CYP2C19: variants seen among roughly 807,000 people sequenced by gnomAD.
CYP2C19 encodes cytochrome P450 2C19.
In CYP2C19, 59 loss-of-function variants were observed where a neutral mutation model predicts 40.9. The observed-to-expected ratio is 1.44, with a 90% confidence interval of 1.17 to 1.79. CYP2C19 has a LOEUF of 1.79. Ranked by LOEUF, CYP2C19 falls within the 40% of genes most tolerant of loss-of-function variation. CYP2C19 has a pLI of 0.00. For synonymous variants in CYP2C19, 253 were observed against 208.7 expected, an observed-to-expected ratio of 1.21 and a Z score of -1.83; for missense variants, 754 against 596.9, an observed-to-expected ratio of 1.26 and a Z score of -2.74.
Position 94,855,350 on chromosome 10 carries a change from A to G in CYP2C19, c.*2436A>G, listed in dbSNP as rs1849714888. On this transcript the variant is annotated 3_prime_UTR_variant, in exon 9 of 9. Coordinates refer to ENST00000371321, the MANE Select transcript of CYP2C19 (RefSeq NM_000769.4). ...CAGCTTTTTAAGTGTCAGAGCCAACAATTGGACAAGGGCAATCTGACTGGA... is the reference window on the plus strand; with the variant it reads ...CAGCTTTTTAAGTGTCAGAGCCAACGATTGGACAAGGGCAATCTGACTGGA... 6.6e-6 allele frequency among the ~76,000 whole-genome samples: 1 copy of G among 152,236 alleles called. No homozygotes were observed. The highest frequency in any genetic ancestry group is 1.5e-5 in the Non-Finnish European group (1 of 68,046).
intron 5 of CYP2C19, among the ~76,000 whole-genome samples, chr10:94,787,500 T>A (rs1469033842): frequency 6.6e-6 from 1 of 152,134 alleles, no homozygotes; most frequent in African/African-American, 2.4e-5. Flanking sequence ...TTTACTTTAA[T>A]TAGGTCCCAC....
chr10:94,841,037 CCCAAGATGGTGGTGATCCACTT>C (rs552309458), intron 6 of CYP2C19, among the ~76,000 whole-genome samples: 108 of 152,258 alleles, frequency 7.1e-4, no homozygotes, highest in Middle Eastern at 3.4e-3. Context: ...TCACAGAGCT[CCCAAGATGGTGGTGATCCACTT>C]CCAAGATGGT....
chr10:94,768,293 A>G (rs563490506), intron 1 of CYP2C19, among the ~76,000 whole-genome samples: 44 of 152,280 alleles, frequency 2.9e-4, no homozygotes, highest in South Asian at 1.0e-3. Flanking sequence ...CAGTTACACC[A>G]CTAACTTTGC....
At chr10:94,812,292 T>C (rs1197761133) in intron 5 of CYP2C19, among the ~76,000 whole-genome samples, 1 of 152,236 alleles carries the variant, frequency 6.6e-6, no homozygotes, top group African/African-American at 2.4e-5. Context: ...CCTTTCTTTC[T>C]GGCTTCCCTT....
chr10:94,831,571 C>A (rs1024424855), intron 6 of CYP2C19, among the ~76,000 whole-genome samples: 5 of 152,138 alleles, frequency 3.3e-5, no homozygotes, highest in African/African-American at 4.8e-5. Context: ...TTTGTTATTG[C>A]CTGTCTTTTG....
intron 6 of CYP2C19, among the ~76,000 whole-genome samples, chr10:94,821,744 G>A (rs761735405): frequency 1.3e-4 from 20 of 151,944 alleles, no homozygotes; most frequent in Non-Finnish European, 2.4e-4. Flanking sequence ...ATAAGAGTTA[G>A]GCCTTTTTTT....
chr10:94,776,547 TG>T (rs1848410046), intron 3 of CYP2C19: 1 of 152,200 alleles, frequency 6.6e-6, no homozygotes, highest in South Asian at 2.1e-4. Context: ...GACTTCCAGC[TG>T]TTCAATGCCT....
chr10:94,778,879 A>G (rs953894080), intron 3 of CYP2C19, among the ~76,000 whole-genome samples: 3 of 152,328 alleles, frequency 2.0e-5, no homozygotes, highest in Admixed American at 6.5e-5. Flanking sequence ...CCCATCAATG[A>G]CACACTGGAT....
rs1443040914 is a variant in CYP2C19 at position 94,830,010 on chromosome 10, A to G, written c.961+9373A>G. On this transcript the variant is annotated intron_variant, in intron 6 of 8. Coordinates refer to ENST00000371321, the MANE Select transcript of CYP2C19 (RefSeq NM_000769.4). ...ACCCACTTGAGGAGGCAGTCTGCGC[A>G]TTCTCAGATCTCCAGCTGCATGCTG... Among the ~76,000 whole-genome samples, 5 of 152,216 alleles carry G rather than the reference A, an allele frequency of 3.3e-5. No homozygotes were observed. The South Asian group carries it at 6.2e-4, about 19-fold the overall frequency.
intron 5 of CYP2C19, among the ~76,000 whole-genome samples, chr10:94,786,501 AATG>A (rs1848542302): frequency 6.6e-6 from 1 of 152,118 alleles, no homozygotes; most frequent in South Asian, 2.1e-4. Flanking sequence ...CTGATTTTAA[AATG>A]ATACCATATG....
intron 6 of CYP2C19, among the ~76,000 whole-genome samples, chr10:94,825,955 A>T (rs1217201877): frequency 6.6e-6 from 1 of 151,218 alleles, no homozygotes; most frequent in African/African-American, 2.4e-5. Context: ...TTTGTCAAAG[A>T]TCAGATAGTT....
At chr10:94,852,261 C>T (rs1849665134) in intron 8 of CYP2C19, among the ~76,000 whole-genome samples, 1 of 152,116 alleles carries the variant, frequency 6.6e-6, no homozygotes, top group Non-Finnish European at 1.5e-5. Context: ...CATGTTTAGA[C>T]ATGTGATTCT....
chr10:94,826,347 G>T (rs1442380845), intron 6 of CYP2C19, among the ~76,000 whole-genome samples: 2 of 152,086 alleles, frequency 1.3e-5, no homozygotes, highest in African/African-American at 4.8e-5. Flanking sequence ...TCAGTGGTTT[G>T]TAGTTCTCCT....
intron 1 of CYP2C19, among the ~76,000 whole-genome samples, chr10:94,772,539 T>C (rs1848348298): frequency 6.6e-6 from 1 of 152,184 alleles, no homozygotes; most frequent in Non-Finnish European, 1.5e-5. Context: ...CAAGTCTCTC[T>C]TGGGTGACAT....
At chr10:94,844,600 G>A (rs185764849) in intron 7 of CYP2C19, among the ~76,000 whole-genome samples, 197 of 152,138 alleles carry the variant, frequency 1.3e-3, no homozygotes, top group Admixed American at 2.0e-3. Context: ...TATTTTCAAG[G>A]GGAAAAATCA....
In CYP2C19 at chr10:94,854,343, C is replaced by T. The variant is rs922468857; in HGVS notation, c.*1429C>T. ...TGAACAAAATTTCTAAGAAGAATTA[C>T]CAGGGTTTAATCTTTTTCAGCTTCT... is the stretch of plus-strand genomic sequence containing the variant. On this transcript the variant is annotated 3_prime_UTR_variant, in exon 9 of 9. Coordinates refer to ENST00000371321, the MANE Select transcript of CYP2C19 (RefSeq NM_000769.4). 2.0e-5 allele frequency among the ~76,000 whole-genome samples: 3 copies of T among 151,986 alleles called. No homozygotes were observed. The highest frequency in any genetic ancestry group is 2.1e-4 in the South Asian group (1 of 4,816).
intron 6 of CYP2C19, among the ~76,000 whole-genome samples, 192 bp downstream of exon 6, chr10:94,820,829 A>C (rs1360040975): frequency 6.6e-6 from 1 of 152,220 alleles, no homozygotes; most frequent in Non-Finnish European, 1.5e-5. Context: ...TCATGATTGT[A>C]ATCCCAGCCC....
In CYP2C19 at chr10:94,778,234, G is replaced by T. The variant is rs147413573; in HGVS notation, c.482-2265G>T. ...AATGGATGATCAAAGGTCAGTTCCT[G>T]GTCAACATAAGTAAACAAGCCTGTT... On this transcript the variant is annotated intron_variant, in intron 3 of 8. Transcript: ENST00000371321. Among the ~76,000 whole-genome samples the T allele has an allele frequency of 1.9e-4, 29 of 152,236 alleles. No homozygotes were observed. In the East Asian group the frequency reaches 3.1e-3, roughly 16 times the overall value.
At chr10:94,791,602 T>C (rs1848606566) in intron 5 of CYP2C19, among the ~76,000 whole-genome samples, 1 of 152,206 alleles carries the variant, frequency 6.6e-6, no homozygotes, top group Non-Finnish European at 1.5e-5. Context: ...CATCTTTATT[T>C]CTGACTTCAT....
Sources: gnomAD v4.1 joint callset for allele counts (sites outside exome capture counted in the v4.1 genomes callset) on GRCh38, gnomAD v4.1.1 for gene constraint, MANE v1.5 for transcripts, NCBI Gene and HGNC (gene_info 2026-07-23, HGNC 2026-07-21) for gene names.